Variants in FGFR1 observed in about 807,000 individuals in gnomAD.
FGFR1 encodes the protein fibroblast growth factor receptor 1.
Under a neutral mutation model 93.7 loss-of-function variants are expected in FGFR1, and 18 were observed. The observed-to-expected ratio is 0.19, with a 90% CI of 0.13 to 0.28. The LOEUF is 0.28. Ranked by LOEUF, FGFR1 falls within the 10% of genes least tolerant of loss-of-function variation. The probability of loss-of-function intolerance (pLI) is 1.00; values close to 1 mark genes in which losing one functional copy is unlikely to be tolerated. For synonymous variants in FGFR1, 448 were observed against 429.3 expected (o/e 1.04, Z -0.54); for missense variants, 731 against 1,080.4 (o/e 0.68, Z 4.53).
At position 38,413,111 on chromosome 8, in the gene FGFR1, T is replaced by C. The variant is rs1814929838; in HGVS notation, c.*517A>G. ...CAGGCATTTGGTCAGCAAAGCAAAC[T>C]AGTATCGGAATTAATAAGCCACTGG... On this transcript the variant is annotated 3_prime_UTR_variant, in exon 18 of 18. Coordinates refer to ENST00000447712, the MANE Select transcript of FGFR1 (RefSeq NM_023110.3). This position sits in a 1 kb window ranked among gnomAD's most constrained non-coding sequence, Gnocchi z 4.2. 4.2e-6 allele frequency: 1 copy of C among 239,422 alleles called. No homozygotes were observed. Among genetic ancestry groups the C allele is most frequent in the Admixed American group, 5.3e-5 (1 of 18,876 alleles). The allele number at this position is 239,422 out of a possible 1,614,324, so 14.8% of individuals were successfully genotyped here. A position where few individuals can be genotyped will look rare whatever the true frequency, so the allele number is the denominator to read the frequency against.
intron 2 of FGFR1, among the ~76,000 whole-genome samples, chr8:38,453,544 C>G (rs533104697): frequency 1.2e-4 from 18 of 152,288 alleles, no homozygotes; most frequent in African/African-American, 3.8e-4. Flanking sequence ...TGTGTGCCCA[C>G]CCAGGCTTGC....
chr8:38,421,930 A>T lies in FGFR1; in HGVS notation c.948T>A (p.Val316=), dbSNP rs1360317520. The T allele has an allele frequency of 6.2e-7, 1 of 1,614,150 alleles. No individual in the cohort carries two copies. The highest frequency in any genetic ancestry group is 1.1e-5 in the South Asian group (1 of 91,076). The change falls in exon 8 of 18, where the codon GTT becomes GTA. Residue 316 remains valine, a synonymous_variant. Transcript: ENST00000447712. ...CCTCCATCTCTTTGTCGGTGGTATT[A>T]ACTCCAGCAGTCTAGAAGAGACAAC... ...PYVQILKTAG[V]NTTDKEMEVL...
chr8:38,423,751 TTG>T (rs1437863804), intron 7 of FGFR1: 2 of 155,788 alleles, frequency 1.3e-5, no homozygotes, highest in African/African-American at 5.0e-5. Context: ...GGAGCAGGGG[TTG>T]TGAGTGGAGA....
At chr8:38,420,860 G>A (rs972255619) in intron 8 of FGFR1, among the ~76,000 whole-genome samples, 1 of 152,184 alleles carries the variant, frequency 6.6e-6, no homozygotes, top group African/African-American at 2.4e-5. Flanking sequence ...CTGATGACAG[G>A]GAGAAGTGTT....
chr8:38,440,289 T>C (rs935272090), intron 2 of FGFR1: 28 of 1,601,604 alleles, frequency 1.7e-5, no homozygotes, highest in East Asian at 1.3e-4. Context: ...GGCTTTGAAA[T>C]GGAACTGAAA....
At chr8:38,420,819 C>T (rs909383798) in intron 8 of FGFR1, among the ~76,000 whole-genome samples, 6 of 152,178 alleles carry the variant, frequency 3.9e-5, no homozygotes, top group Admixed American at 2.6e-4. Context: ...GCCCAGAGAA[C>T]GTCCCAAGGC....
At chr8:38,418,419 G>A (rs371975228) in intron 9 of FGFR1, 46 bp from the exon 10 acceptor site, 643 of 1,592,500 alleles carry the variant, frequency 4.0e-4, no homozygotes, top group Non-Finnish European at 5.2e-4. Context: ...GGGGGGACGG[G>A]GTGACTCCTT....
chr8:38,461,690 C>T (rs1834440439), intron 1 of FGFR1, among the ~76,000 whole-genome samples: 1 of 152,138 alleles, frequency 6.6e-6, no homozygotes, highest in South Asian at 2.1e-4. Context: ...GGGATAGTCA[C>T]TTAACCGTTC....
chr8:38,464,549 C>T (rs1009659836), intron 1 of FGFR1, among the ~76,000 whole-genome samples: 6 of 151,964 alleles, frequency 3.9e-5, no homozygotes, highest in African/African-American at 9.7e-5. Context: ...GTAGATGCAA[C>T]CTTAGGAGGA....
chr8:38,417,269 C>A, intron 12 of FGFR1, 37 bp downstream of exon 12: 1 of 1,527,706 alleles, frequency 6.5e-7, no homozygotes, highest in Non-Finnish European at 9.0e-7. Context: ...GATCTTCTCC[C>A]CGCTGGGCAG....
intron 1 of FGFR1, among the ~76,000 whole-genome samples, chr8:38,462,046 T>C (rs1834514251): frequency 6.6e-6 from 1 of 152,156 alleles, no homozygotes; most frequent in African/African-American, 2.4e-5. Context: ...TGGCTGGTGC[T>C]AACGGATATG....
intron 6 of FGFR1, among the ~76,000 whole-genome samples, chr8:38,425,167 G>T (rs1288254152): frequency 7.3e-5 from 11 of 151,302 alleles, no homozygotes; most frequent in Admixed American, 7.2e-4. Context: ...TAAAGGCAGG[G>T]TCTCACTCTG....
chr8:38,451,981 C>G (rs1318624186), intron 2 of FGFR1, among the ~76,000 whole-genome samples: 1 of 152,154 alleles, frequency 6.6e-6, no homozygotes, highest in African/African-American at 2.4e-5. Flanking sequence ...AAAGCCTGAT[C>G]TGAAACAAGC....
rs539146203 is a variant in FGFR1 at position 38,418,590 on chromosome 8, C to T, written c.1285-217G>A. ...CACAAGCTGGCCTTTCTGGACTTCA[C>T]TCACCTTTAAAATAAGCAGACCAAA... On this transcript the variant is annotated intron_variant, in intron 9 of 17. Transcript: ENST00000447712. The T allele has an allele frequency of 5.0e-6, 3 of 595,984 alleles. No individual in the cohort carries two copies. The South Asian group carries it at 6.0e-5, about 12-fold the overall frequency. 36.9% of individuals were successfully genotyped at this position (595,984 alleles called of 1,614,324 possible).
At position 38,425,917 on chromosome 8, in the gene FGFR1, G is replaced by A. The variant is rs927411852; in HGVS notation, c.745+205C>T. The stretch of plus-strand genomic sequence containing the variant: ...TTCACAGTGACAACCAGCTTTGACC[G>A]TGTTACTGTCTGATCTTAACTCTAT... On this transcript the variant is annotated intron_variant, in intron 6 of 17. Transcript: ENST00000447712. The A allele has an allele frequency of 3.0e-6, 2 of 656,228 alleles. 1 individual carries two copies. The highest frequency in any genetic ancestry group is 3.4e-5 in the South Asian group (2 of 58,376). 40.7% of individuals were successfully genotyped at this position (656,228 alleles called of 1,614,324 possible).
At chr8:38,421,966 T>A in intron 7 of FGFR1, 25 bp from the exon 8 acceptor site, 3 of 1,613,438 alleles carry the variant, frequency 1.9e-6, no homozygotes, top group African/African-American at 1.3e-5. Flanking sequence ...GGAAGCAAAA[T>A]GGACAAGCAC....
rs1230553508 is a variant in FGFR1 at position 38,426,547 on chromosome 8, T to C, written c.622-302A>G. On this transcript the variant is annotated intron_variant, in intron 5 of 17. Transcript: ENST00000447712. This position sits in a 1 kb window ranked among gnomAD's most constrained non-coding sequence, Gnocchi z 4.1. ...CAAATACACCAAGAATGTTCCCAAC[T>C]GTGCACCTCTCCTATTACACTAAGA... 6.6e-6 allele frequency among the ~76,000 whole-genome samples: 1 copy of C among 152,218 alleles called. No individual in the cohort carries two copies. The highest frequency in any genetic ancestry group is 1.9e-4 in the East Asian group (1 of 5,200).
In FGFR1 at chr8:38,415,915, G is replaced by A. The variant is rs377314381; in HGVS notation, c.1809C>T (p.Cys603=). 32 of 1,614,018 alleles carry A rather than the reference G, an allele frequency of 2.0e-5. No individual in the cohort carries two copies. The East Asian group carries it at 4.0e-4, about 20-fold the overall frequency. The change falls in exon 13 of 18, where the codon TGC becomes TGT. Residue 603 remains cysteine, a synonymous_variant. Coordinates refer to ENST00000447712, the MANE Select transcript of FGFR1 (RefSeq NM_023110.3). ...EQLSSKDLVS[C]AYQVARGMEY... is the part of the protein sequence containing the mutation. ...CCATGCCTCGGGCCACCTGGTAGGC[G>A]CAGGACACCAGGTCCTTGGAGGAGA...
chr8:38,436,624 A>G (rs1825532878), intron 2 of FGFR1, among the ~76,000 whole-genome samples: 1 of 152,006 alleles, frequency 6.6e-6, no homozygotes, highest in Admixed American at 6.6e-5. Context: ...AAGGATTCAT[A>G]CATCAAACCT....
Sources: gnomAD v4.1 joint callset for allele counts (sites outside exome capture counted in the v4.1 genomes callset) on GRCh38, gnomAD v4.1.1 for gene constraint, Gnocchi (gnomAD v3.1) non-coding constraint, MANE v1.5 for transcripts, NCBI Gene and HGNC (gene_info 2026-07-23, HGNC 2026-07-21) for gene names.